Variants in MAF observed in about 807,000 individuals in gnomAD.
MAF encodes the protein transcription factor Maf.
A neutral mutation model predicts 22.0 loss-of-function variants in MAF; 10 were observed. That is an observed-to-expected ratio of 0.45 (90% CI 0.28 to 0.77). The LOEUF (loss-of-function observed/expected upper bound fraction) is 0.77. Among genes scored for constraint, MAF ranks in the 30% least tolerant of loss-of-function variants. MAF has a pLI of 0.12. For synonymous variants in MAF, 337 were observed against 255.8 expected, an observed-to-expected ratio of 1.32 and a Z score of -3.03; for missense variants, 544 against 548.4, an observed-to-expected ratio of 0.99 and a Z score of 0.08.
chr16:79,485,524 A>C, the MAF span, among the ~76,000 whole-genome samples: 5 of 152,228 alleles, frequency 3.3e-5, no homozygotes, highest in Admixed American at 2.6e-4. Context: ...CCAGCACATA[A>C]CAACAGTCCT....
the MAF span, among the ~76,000 whole-genome samples, chr16:79,475,336 A>T: frequency 8.1e-6 from 1 of 122,780 alleles, no homozygotes; most frequent in Non-Finnish European, 1.8e-5. Context: ...ATATATGGAG[A>T]TATATATATA....
chr16:79,230,728 G>T, the MAF span, among the ~76,000 whole-genome samples: 1 of 152,102 alleles, frequency 6.6e-6, no homozygotes, highest in Non-Finnish European at 1.5e-5. Context: ...GCATGATGGA[G>T]TGTGCTTTCT....
chr16:79,549,150 CT>C, the MAF span, among the ~76,000 whole-genome samples: 1 of 152,258 alleles, frequency 6.6e-6, no homozygotes, highest in African/African-American at 2.4e-5. Context: ...TTAATGGGAT[CT>C]GTTTCAAAGG....
chr16:79,306,706 A>G, the MAF span, among the ~76,000 whole-genome samples: 142 of 152,268 alleles, frequency 9.3e-4, no homozygotes, highest in African/African-American at 3.2e-3. Context: ...CATCATCATC[A>G]TCATCATCAC....
At chr16:79,280,118 G>A in the MAF span, among the ~76,000 whole-genome samples, 5 of 152,218 alleles carry the variant, frequency 3.3e-5, no homozygotes, top group Non-Finnish European at 7.3e-5. Flanking sequence ...TTAACCAGAA[G>A]TGATTTTCAG....
chr16:79,484,355 G>C, the MAF span, among the ~76,000 whole-genome samples: 1 of 152,196 alleles, frequency 6.6e-6, no homozygotes, highest in Non-Finnish European at 1.5e-5. Flanking sequence ...CCAGGAACCA[G>C]AGGGCTCAAG....
chr16:79,400,873 G>C, the MAF span, among the ~76,000 whole-genome samples: 1 of 152,252 alleles, frequency 6.6e-6, no homozygotes, highest in Admixed American at 6.5e-5. Flanking sequence ...ATCTTCCGGG[G>C]AAGGAGGAGC....
chr16:79,502,639 C>G, the MAF span, among the ~76,000 whole-genome samples: 1 of 144,006 alleles, frequency 6.9e-6, no homozygotes, highest in African/African-American at 2.6e-5. Context: ...GCACTCCAGC[C>G]TAGGTAACAG....
the MAF span, among the ~76,000 whole-genome samples, chr16:79,332,194 G>A: frequency 1.3e-5 from 2 of 152,180 alleles, no homozygotes; most frequent in East Asian, 1.9e-4. Context: ...CATTTACTAG[G>A]CACAAAACTG....
the MAF span, among the ~76,000 whole-genome samples, chr16:79,569,757 G>A: frequency 1.3e-5 from 2 of 152,202 alleles, no homozygotes; most frequent in African/African-American, 2.4e-5. Context: ...CTGGGGAATA[G>A]GCATTTGTAT....
chr16:79,227,989 G>C, the MAF span, among the ~76,000 whole-genome samples: 2 of 152,054 alleles, frequency 1.3e-5, no homozygotes. Context: ...CTGTTACCTT[G>C]AACTCCTGCG....
the MAF span, among the ~76,000 whole-genome samples, chr16:79,442,056 G>C: frequency 6.6e-6 from 1 of 152,162 alleles, no homozygotes; most frequent in African/African-American, 2.4e-5. Flanking sequence ...CAGAGGAATG[G>C]GATGGGCTAT....
At chr16:79,229,724 G>A in the MAF span, among the ~76,000 whole-genome samples, 2 of 151,984 alleles carry the variant, frequency 1.3e-5, no homozygotes, top group Non-Finnish European at 2.9e-5. Context: ...GGAGTGCACC[G>A]AGCAAAGCGC....
chr16:79,210,061 A>T, the MAF span, among the ~76,000 whole-genome samples: 1 of 152,232 alleles, frequency 6.6e-6, no homozygotes, highest in African/African-American at 2.4e-5. Context: ...CAAATTCAGG[A>T]CCAGTGGAAC....
At chr16:79,288,539 G>C in the MAF span, among the ~76,000 whole-genome samples, 1 of 152,140 alleles carries the variant, frequency 6.6e-6, no homozygotes, top group Admixed American at 6.6e-5. Flanking sequence ...AGCCCTGTGT[G>C]AATTCCTGAC....
the MAF span, among the ~76,000 whole-genome samples, chr16:79,278,037 C>T: frequency 6.6e-6 from 1 of 152,102 alleles, no homozygotes; most frequent in Non-Finnish European, 1.5e-5. Context: ...AATTGGTGCC[C>T]CTGGGGTAAT....
the MAF span, among the ~76,000 whole-genome samples, chr16:79,275,937 C>T: frequency 2.6e-5 from 4 of 152,058 alleles, no homozygotes; most frequent in Admixed American, 1.3e-4. Context: ...GTCAGGAGAT[C>T]GAGACCGTCC....
chr16:79,236,956 A>C, the MAF span, among the ~76,000 whole-genome samples: 2 of 151,518 alleles, frequency 1.3e-5, no homozygotes, highest in African/African-American at 2.4e-5. Context: ...AAAAAAAAAA[A>C]AAACTCAAAT....
chr16:79,315,326 G>C, the MAF span, among the ~76,000 whole-genome samples: 10 of 152,186 alleles, frequency 6.6e-5, no homozygotes, highest in South Asian at 1.9e-3. Flanking sequence ...TGAATGGATG[G>C]GGGAGAGTTG....
Sources: gnomAD v4.1 joint callset for allele counts (sites outside exome capture counted in the v4.1 genomes callset) on GRCh38, gnomAD v4.1.1 for gene constraint, MANE v1.5 for transcripts, NCBI Gene and HGNC (gene_info 2026-07-23, HGNC 2026-07-21) for gene names.